The following GRIK4 variants were observed in gnomAD, a reference collection of about 807,000 sequenced individuals.
GRIK4 encodes the protein glutamate ionotropic receptor kainate type subunit 4.
Under a neutral mutation model 104.9 loss-of-function variants are expected in GRIK4, and 40 were observed. The ratio of observed to expected loss-of-function variants is 0.38; its 90% CI spans 0.30 to 0.50. The LOEUF is 0.50. GRIK4 is among the 20% of genes least tolerant of loss of function. The pLI is 0.93. For synonymous variants in GRIK4, 485 were observed against 524.9 expected (o/e 0.92, Z 1.04); for missense variants, 1,047 against 1,308.1 (o/e 0.80, Z 3.08).
intron 1 of GRIK4, among the ~76,000 whole-genome samples, chr11:120,641,361 A>G (rs1949469842): frequency 6.6e-6 from 1 of 152,068 alleles, no homozygotes; most frequent in Admixed American, 6.5e-5. Context: ...TAGTAAATTG[A>G]ACTGTAAAAG....
chr11:120,778,548 T>C (rs1034024330), intron 3 of GRIK4, among the ~76,000 whole-genome samples: 1 of 152,244 alleles, frequency 6.6e-6, no homozygotes, highest in African/African-American at 2.4e-5. Context: ...TTTCAAACAC[T>C]GATTTACCCT....
chr11:120,829,325 A>C (rs1458707837), intron 6 of GRIK4, among the ~76,000 whole-genome samples: 1 of 152,154 alleles, frequency 6.6e-6, no homozygotes, highest in Admixed American at 6.5e-5. Context: ...TCTGAGGAAG[A>C]GGCGGTAAAT....
At chr11:120,735,653 G>C (rs1452594853) in intron 3 of GRIK4, among the ~76,000 whole-genome samples, 2 of 151,640 alleles carry the variant, frequency 1.3e-5, no homozygotes, top group South Asian at 2.1e-4. Context: ...GGCCCAAAGT[G>C]GGTCTATAGA....
At chr11:120,520,760 G>A (rs1947787316) in intron 1 of GRIK4, among the ~76,000 whole-genome samples, 2 of 152,192 alleles carry the variant, frequency 1.3e-5, no homozygotes, top group African/African-American at 4.8e-5. Context: ...CAGCAGAATA[G>A]GGAGTCTCTT....
intron 3 of GRIK4, among the ~76,000 whole-genome samples, chr11:120,684,597 A>G (rs1014265484): frequency 2.6e-5 from 4 of 152,264 alleles, no homozygotes; most frequent in African/African-American, 9.6e-5. Context: ...CAGACTCTAA[A>G]TATATGGTAA....
intron 6 of GRIK4, among the ~76,000 whole-genome samples, chr11:120,831,111 T>C (rs1181183124): frequency 6.6e-6 from 1 of 152,154 alleles, no homozygotes; most frequent in Non-Finnish European, 1.5e-5. Context: ...GCCCAGATTC[T>C]TGCCTGCTGG....
At position 120,953,022 on chromosome 11, in the gene GRIK4, A is replaced by C; in HGVS notation, c.1700+58A>C. On this transcript the variant is annotated intron_variant, in intron 15 of 20. Transcript: ENST00000527524. The surrounding 1 kb of genome is among the most constrained non-coding windows in gnomAD (Gnocchi z 4.9). Reference sequence around the variant, plus strand: ...CGCCACCTCGTGTCCACCTCTGGGAACTGCATGGGGAGGGGGTGGGGAGGA... The same window carrying C: ...CGCCACCTCGTGTCCACCTCTGGGACCTGCATGGGGAGGGGGTGGGGAGGA... 2.8e-6 allele frequency: 3 copies of C among 1,076,156 alleles called. No individual in the cohort carries two copies. The highest frequency in any genetic ancestry group is 1.3e-5 in the South Asian group (1 of 78,794). The allele number at this position is 1,076,156 out of a possible 1,614,324, so 66.7% of individuals were successfully genotyped here.
At chr11:120,694,569 G>T (rs985994069) in intron 3 of GRIK4, among the ~76,000 whole-genome samples, 2 of 152,258 alleles carry the variant, frequency 1.3e-5, no homozygotes, top group African/African-American at 4.8e-5. Context: ...GCCACTGAGG[G>T]TGCTCTGGGG....
chr11:120,533,949 C>T (rs1197865798), intron 1 of GRIK4, among the ~76,000 whole-genome samples: 1 of 152,206 alleles, frequency 6.6e-6, no homozygotes, highest in African/African-American at 2.4e-5. Flanking sequence ...AAATTTTAAA[C>T]AGAAATAGCT....
chr11:120,896,575 C>T (rs976984400), intron 11 of GRIK4, among the ~76,000 whole-genome samples: 3 of 152,200 alleles, frequency 2.0e-5, no homozygotes, highest in African/African-American at 7.2e-5. Context: ...TGGAGGCCCA[C>T]GAGAGCTCCC....
intron 1 of GRIK4, among the ~76,000 whole-genome samples, chr11:120,646,823 A>G (rs1205187091): frequency 6.6e-6 from 1 of 152,208 alleles, no homozygotes; most frequent in African/African-American, 2.4e-5. Flanking sequence ...TTTAGAAGAA[A>G]ACCTTCCTTA....
chr11:120,751,860 G>A (rs548959464), intron 3 of GRIK4, among the ~76,000 whole-genome samples: 6 of 152,254 alleles, frequency 3.9e-5, no homozygotes, highest in African/African-American at 1.2e-4. Context: ...AGCTTCTCCC[G>A]GTGAAGGTTC....
At chr11:120,846,028 C>A (rs1213897411) in intron 8 of GRIK4, among the ~76,000 whole-genome samples, 2 of 152,196 alleles carry the variant, frequency 1.3e-5, no homozygotes, top group African/African-American at 4.8e-5. Context: ...TGATCCAAAC[C>A]TGTGTTTTCC....
intron 14 of GRIK4, among the ~76,000 whole-genome samples, chr11:120,949,906 T>C (rs7105874): frequency 0.76 from 114,972 of 152,122 alleles, 43,984 homozygotes; most frequent in East Asian, 1. Context: ...TAGTGAAGCA[T>C]TTTTAGTTCT....
intron 1 of GRIK4, among the ~76,000 whole-genome samples, chr11:120,531,542 A>G (rs1947923705): frequency 6.6e-6 from 1 of 151,752 alleles, no homozygotes. Context: ...GCCCAAGGTC[A>G]TGGTTACAGC....
intron 6 of GRIK4, among the ~76,000 whole-genome samples, chr11:120,830,529 C>T (rs767689924): frequency 2.0e-5 from 3 of 152,114 alleles, no homozygotes; most frequent in African/African-American, 4.8e-5. Flanking sequence ...AAGCCATCCC[C>T]GAGTTGAATA....
chr11:120,827,846 C>T (rs1211960055), intron 6 of GRIK4, among the ~76,000 whole-genome samples: 2 of 152,184 alleles, frequency 1.3e-5, no homozygotes, highest in Non-Finnish European at 2.9e-5. Flanking sequence ...CCTTGACTAC[C>T]TCCAGTGATG....
intron 8 of GRIK4, among the ~76,000 whole-genome samples, chr11:120,857,359 C>A (rs951160865): frequency 6.6e-6 from 1 of 152,188 alleles, no homozygotes; most frequent in Non-Finnish European, 1.5e-5. Context: ...AGCTCTCAAG[C>A]CATTATCCGT....
intron 14 of GRIK4, among the ~76,000 whole-genome samples, chr11:120,949,865 T>C (rs17124586): frequency 0.027 from 4,043 of 152,250 alleles, 180 homozygotes; most frequent in African/African-American, 0.092. Flanking sequence ...TCTGTCAGTA[T>C]GGAAAATTGG....
Sources: gnomAD v4.1 joint callset for allele counts (sites outside exome capture counted in the v4.1 genomes callset) on GRCh38, gnomAD v4.1.1 for gene constraint, Gnocchi (gnomAD v3.1) non-coding constraint, MANE v1.5 for transcripts, NCBI Gene and HGNC (gene_info 2026-07-23, HGNC 2026-07-21) for gene names.